The following ACSL4 variants were observed in gnomAD, a reference collection of about 807,000 sequenced individuals.
ACSL4 encodes the protein long-chain-fatty-acid--CoA ligase 4.
Under a neutral mutation model 49.1 loss-of-function variants are expected in ACSL4, and 9 were observed. The observed-to-expected ratio is 0.18, with a 90% CI of 0.11 to 0.32. The LOEUF (loss-of-function observed/expected upper bound fraction) is 0.32, where lower values mean the gene tolerates loss of function less well. ACSL4 is among the 10% of genes least tolerant of loss of function. The pLI, the probability that ACSL4 is intolerant of heterozygous loss-of-function variation, is 1.00. For synonymous variants in ACSL4, 191 were observed against 170.3 expected (o/e 1.12, Z -0.95); for missense variants, 333 against 493.7 (o/e 0.67, Z 3.08).
Position 109,644,017 on chromosome X carries a change from G to A in ACSL4, c.*12C>T. ...CTACCTCCTGCACAACTGTCAATAAGACAACAACATTTTATTTGCCCCCAT... is the reference window on the plus strand; with the variant it reads ...CTACCTCCTGCACAACTGTCAATAAAACAACAACATTTTATTTGCCCCCAT... On this transcript the variant is annotated 3_prime_UTR_variant, in exon 16 of 16. Coordinates refer to ENST00000672401, the MANE Select transcript of ACSL4 (RefSeq NM_001318510.2). The A allele has an allele frequency of 1.7e-6, 2 of 1,210,621 alleles. No homozygotes were observed.
chrX:109,665,554 A>T (rs780987569), intron 11 of ACSL4, 60 bp from the exon 12 acceptor site: 1 of 960,573 alleles, frequency 1.0e-6, no homozygotes, highest in Non-Finnish European at 1.5e-6. Context: ...GTACCAATGC[A>T]CTGGGAATAT....
At chrX:109,681,610 A>G (rs916907328) in intron 4 of ACSL4, among the ~76,000 whole-genome samples, 10 of 111,950 alleles carry the variant, frequency 8.9e-5, no homozygotes, top group African/African-American at 3.2e-4. Flanking sequence ...AGAAACCCAG[A>G]AACACTCGCA....
intron 15 of ACSL4, among the ~76,000 whole-genome samples, chrX:109,657,910 C>T (rs1921827206): frequency 9.0e-6 from 1 of 111,705 alleles, no homozygotes; most frequent in African/African-American, 3.3e-5. Flanking sequence ...GATTGCCATT[C>T]TAACTGGTGT....
rs1247245044 is a variant in ACSL4 at position 109,653,878 on chromosome X, C to T, written c.1855+5476G>A. Among the ~76,000 whole-genome samples, 42 of 108,542 alleles carry T rather than the reference C, an allele frequency of 3.9e-4. No individual in the cohort carries two copies. The East Asian group carries it at 0.012, about 31-fold the overall frequency. The allele number at this position is 108,542 out of a possible 115,157, so 94.3% of individuals were successfully genotyped here. The stretch of plus-strand genomic sequence containing the variant: ...CTAAATGACGAGTTAATGGGTGCAG[C>T]ACACCAGCATGGCACATGTATACAT... On this transcript the variant is annotated intron_variant, in intron 15 of 15. Coordinates refer to ENST00000672401, the MANE Select transcript of ACSL4 (RefSeq NM_001318510.2).
rs1437871790 is a variant in ACSL4, at chrX:109,733,099, G to A, written c.-66+40C>T. 5 of 329,495 alleles carry A rather than the reference G, an allele frequency of 1.5e-5. No homozygotes were observed. The Admixed American group carries it at 1.5e-4, about 10-fold the overall frequency. The allele number at this position is 329,495 out of a possible 1,213,427, so 27.2% of individuals were successfully genotyped here. ...TGGGGCCCTGGTACCGACAGGGCAG[G>A]GGTGCCGGGGCCGCAACCTCCCCAT... is the stretch of plus-strand genomic sequence containing the variant. On this transcript the variant is annotated intron_variant, in intron 1 of 15. Transcript: ENST00000672401.
intron 1 of ACSL4, among the ~76,000 whole-genome samples, chrX:109,730,226 T>G (rs1928320565): frequency 8.9e-6 from 1 of 111,912 alleles, no homozygotes; most frequent in African/African-American, 3.3e-5. Flanking sequence ...AGCGTATTAT[T>G]TCTTACAACT....
chrX:109,726,101 T>C (rs1927969265), intron 1 of ACSL4, among the ~76,000 whole-genome samples: 1 of 112,159 alleles, frequency 8.9e-6, no homozygotes, highest in Non-Finnish European at 1.9e-5. Flanking sequence ...GGTTACAACA[T>C]ATTAAACAAA....
rs1925739418 is a variant in ACSL4, at chrX:109,699,884, TC to T, written c.-65-3689del. Among the ~76,000 whole-genome samples, 83 of 111,400 alleles carry T rather than the reference TC, an allele frequency of 7.5e-4. 1 individual carries two copies. The Admixed American group carries it at 7.9e-3, about 11-fold the overall frequency. On this transcript the variant is annotated intron_variant, in intron 1 of 15. Transcript: ENST00000672401. ...AAGCCAGTCAAACTACTGGAAGGTA[TC>T]ACTCACACGCTAAGCTGTGGGAGAA...
At chrX:109,663,474 G>T in intron 12 of ACSL4, 72 bp from the exon 13 acceptor site, 1 of 964,021 alleles carries the variant, frequency 1.0e-6, no homozygotes, top group Non-Finnish European at 1.5e-6. Context: ...TTATACGTAT[G>T]TTAGTATTTT....
intron 15 of ACSL4, among the ~76,000 whole-genome samples, chrX:109,648,024 A>G (rs1934811056): frequency 8.9e-6 from 1 of 111,919 alleles, no homozygotes; most frequent in African/African-American, 3.3e-5. Context: ...AAATTGAGGC[A>G]GTAATTAATA....
intron 1 of ACSL4, among the ~76,000 whole-genome samples, chrX:109,699,930 T>C (rs1223952730): frequency 9.0e-6 from 1 of 111,081 alleles, no homozygotes; most frequent in African/African-American, 3.3e-5. Flanking sequence ...CTTAAGAATA[T>C]ATGTGAGCCA....
intron 11 of ACSL4, among the ~76,000 whole-genome samples, chrX:109,667,372 C>T (rs1388860716): frequency 8.9e-6 from 1 of 112,458 alleles, no homozygotes; most frequent in Non-Finnish European, 1.9e-5. Flanking sequence ...AAAGAATTAT[C>T]GGATTCAAAA....
intron 9 of ACSL4, among the ~76,000 whole-genome samples, chrX:109,671,430 G>T (rs1332996874): frequency 9.2e-6 from 1 of 109,013 alleles, no homozygotes; most frequent in African/African-American, 3.4e-5. Context: ...CCCCCGCCTG[G>T]CCAGCCACCC....
intron 2 of ACSL4, among the ~76,000 whole-genome samples, chrX:109,694,568 A>T (rs1431377449): frequency 8.9e-6 from 1 of 112,083 alleles, no homozygotes; most frequent in Non-Finnish European, 1.9e-5. Flanking sequence ...CCAGGCATGA[A>T]TTTTTTTAAA....
intron 1 of ACSL4, among the ~76,000 whole-genome samples, chrX:109,705,120 A>T (rs746799393): frequency 1.3e-4 from 15 of 112,034 alleles, no homozygotes; most frequent in African/African-American, 3.9e-4. Context: ...AAATGGTTTT[A>T]AAAAATGAGG....
At chrX:109,656,374 G>A (rs1921645173) in intron 15 of ACSL4, among the ~76,000 whole-genome samples, 2 of 111,279 alleles carry the variant, frequency 1.8e-5, no homozygotes, top group African/African-American at 6.6e-5. Context: ...ATGTAGTTCA[G>A]CTGTGAATAT....
At chrX:109,698,226 G>C (rs1484921839) in intron 1 of ACSL4, among the ~76,000 whole-genome samples, 1 of 111,676 alleles carries the variant, frequency 9.0e-6, no homozygotes. Flanking sequence ...GAAAGTAGCA[G>C]CTACCCAGCA....
intron 1 of ACSL4, among the ~76,000 whole-genome samples, chrX:109,701,996 G>C (rs1926003793): frequency 9.6e-6 from 1 of 104,180 alleles, no homozygotes; most frequent in Non-Finnish European, 2.0e-5. Flanking sequence ...GATCACCTGA[G>C]GTCAGGAGTT....
At chrX:109,676,703 T>C (rs1278418599) in intron 8 of ACSL4, among the ~76,000 whole-genome samples, 1 of 111,313 alleles carries the variant, frequency 9.0e-6, no homozygotes, top group Non-Finnish European at 1.9e-5. Context: ...TAATTTCAAA[T>C]GGGTATAACA....
Sources: allele counts gnomAD v4.1 joint callset (sites outside exome capture counted in the v4.1 genomes callset), GRCh38; gene constraint gnomAD v4.1.1; transcripts MANE v1.5; gene names NCBI Gene and HGNC (gene_info 2026-07-23, HGNC 2026-07-21).